STRBP: variants seen among roughly 807,000 people sequenced by gnomAD.
STRBP encodes spermatid perinuclear RNA-binding protein.
STRBP carries 13 observed loss-of-function variants against 80.1 expected under a neutral mutation model. That is an observed-to-expected ratio of 0.16 (90% CI 0.11 to 0.26). The LOEUF is 0.26. Among genes scored for constraint, STRBP ranks in the 10% least tolerant of loss-of-function variants. The pLI, the probability that STRBP is intolerant of heterozygous loss-of-function variation, is 1.00. For synonymous variants in STRBP, 284 were observed against 291.2 expected (o/e 0.98, Z 0.25); for missense variants, 485 against 815.2 (o/e 0.59, Z 4.93).
rs568065774 is a variant in STRBP at position 123,185,099 on chromosome 9, T to TAA, written c.-164-803_-164-802dup. The stretch of plus-strand genomic sequence containing the variant: ...AGCTACAAGAAAAGGAGAAAAAAAT[T>TAA]AAAAAAAAAAACCAGAACATCAAAA... On this transcript the variant is annotated intron_variant, in intron 2 of 18. Coordinates refer to ENST00000348403, the MANE Select transcript of STRBP (RefSeq NM_018387.5). Among the ~76,000 whole-genome samples the TAA allele has an allele frequency of 9.6e-5, 14 of 145,860 alleles. No individual in the cohort carries two copies. In the East Asian group the frequency reaches 1.6e-3, roughly 16 times the overall value.
Position 123,124,709 on chromosome 9 carries a change from GTGAT to G in STRBP, c.*884_*887del, listed in dbSNP as rs1007259976. The G allele has an allele frequency of 5.7e-4, 560 of 985,366 alleles. 1 individual carries two copies. Among genetic ancestry groups the G allele is most frequent in the Non-Finnish European group, 6.2e-4 (517 of 829,908 alleles). 61.0% of individuals were successfully genotyped at this position (985,366 alleles called of 1,614,324 possible). A position where few individuals can be genotyped will look rare whatever the true frequency, so the allele number is the denominator to read the frequency against. ...AAGAAGGCCACAAGAACAAGAGAGG[GTGAT>G]TGATTGATTAATTTATTATTTTTAA... On this transcript the variant is annotated 3_prime_UTR_variant, in exon 19 of 19. Transcript: ENST00000348403.
chr9:123,178,181 T>C lies in STRBP; in HGVS notation c.224+826A>G, dbSNP rs149166651. 8.3e-3 allele frequency among the ~76,000 whole-genome samples: 1,257 copies of C among 152,340 alleles called. 16 individuals are homozygous for C. Among genetic ancestry groups the C allele is most frequent in the African/African-American group, 0.029 (1,203 of 41,564 alleles). On this transcript the variant is annotated intron_variant, in intron 4 of 18. Coordinates refer to ENST00000348403, the MANE Select transcript of STRBP (RefSeq NM_018387.5). ...TCCATTTATCAATACTTTCCTATTATTATTTACTTATCACACTGATTTAAA... is the reference window on the plus strand; with the variant it reads ...TCCATTTATCAATACTTTCCTATTACTATTTACTTATCACACTGATTTAAA...
rs2035817001 is a variant in STRBP, at chr9:123,124,253, T to A, written c.*1344A>T. 1 of 985,338 alleles carries A rather than the reference T, an allele frequency of 1.0e-6. No homozygotes were observed. Among genetic ancestry groups the A allele is most frequent in the African/African-American group, 1.7e-5 (1 of 57,248 alleles). 61.0% of individuals were successfully genotyped at this position (985,338 alleles called of 1,614,324 possible). A position where few individuals can be genotyped will look rare whatever the true frequency, so the allele number is the denominator to read the frequency against. ...AATTCATACTAAAAACAGACATTTTTAAGACATGGTGCCTTATAAATATTG... is the reference window on the plus strand; with the variant it reads ...AATTCATACTAAAAACAGACATTTTAAAGACATGGTGCCTTATAAATATTG... On this transcript the variant is annotated 3_prime_UTR_variant, in exon 19 of 19. Transcript: ENST00000348403.
At chr9:123,199,520 T>C (rs2039231918) in intron 2 of STRBP, among the ~76,000 whole-genome samples, 2 of 152,222 alleles carry the variant, frequency 1.3e-5, no homozygotes, top group Non-Finnish European at 2.9e-5. Flanking sequence ...GGGCATAGGA[T>C]GTGTTTCCAT....
intron 18 of STRBP, 59 bp downstream of exon 18, chr9:123,128,155 G>C (rs760322289): frequency 4.7e-5 from 75 of 1,589,622 alleles, no homozygotes; most frequent in Non-Finnish European, 6.3e-5. Flanking sequence ...GATAGAAACT[G>C]TGCTTTGGAT....
chr9:123,166,168 A>C (rs2037749359), intron 6 of STRBP, among the ~76,000 whole-genome samples: 1 of 152,202 alleles, frequency 6.6e-6, no homozygotes, highest in Admixed American at 6.5e-5. Flanking sequence ...GCACTGCATA[A>C]ATCAGTATAC....
chr9:123,199,754 T>C (rs971353117), intron 2 of STRBP, among the ~76,000 whole-genome samples: 12 of 152,200 alleles, frequency 7.9e-5, no homozygotes, highest in African/African-American at 2.9e-4. Context: ...TTACTGAATT[T>C]GTTTATCAAA....
At chr9:123,238,010 T>C (rs2040606845) in intron 1 of STRBP, among the ~76,000 whole-genome samples, 1 of 152,246 alleles carries the variant, frequency 6.6e-6, no homozygotes, top group South Asian at 2.1e-4. Context: ...GAACTTAACC[T>C]TTCTGTCTCT....
intron 2 of STRBP, among the ~76,000 whole-genome samples, chr9:123,188,058 T>C (rs537270384): frequency 2.1e-4 from 32 of 152,170 alleles, no homozygotes; most frequent in African/African-American, 7.2e-4. Context: ...TAGTAACCAC[T>C]AAGTTTTTTC....
intron 6 of STRBP, among the ~76,000 whole-genome samples, chr9:123,162,963 T>G (rs1348661324): frequency 6.6e-6 from 1 of 152,226 alleles, no homozygotes; most frequent in African/African-American, 2.4e-5. Flanking sequence ...TAAAACAAAC[T>G]ACTGTAAATG....
intron 6 of STRBP, among the ~76,000 whole-genome samples, chr9:123,168,858 T>G (rs1172729150): frequency 1.3e-5 from 2 of 152,158 alleles, no homozygotes; most frequent in Non-Finnish European, 2.9e-5. Flanking sequence ...CACAATTCCA[T>G]CATGAACTTC....
chr9:123,258,929 G>A (rs766648842), intron 1 of STRBP, among the ~76,000 whole-genome samples: 53 of 152,110 alleles, frequency 3.5e-4, no homozygotes, highest in Non-Finnish European at 5.9e-4. Context: ...GACTTGATAG[G>A]ACTTTGTGTT....
chr9:123,251,188 T>G (rs1393056180), intron 1 of STRBP, among the ~76,000 whole-genome samples: 1 of 146,348 alleles, frequency 6.8e-6, no homozygotes, highest in East Asian at 2.2e-4. Context: ...TTTCTTTCCT[T>G]CTTTTCTTTT....
chr9:123,217,499 G>A (rs1970560), intron 2 of STRBP, among the ~76,000 whole-genome samples: 1,939 of 152,270 alleles, frequency 0.013, 41 homozygotes, highest in African/African-American at 0.044. Flanking sequence ...AAAAATCATT[G>A]CCAATTAGAC....
chr9:123,195,874 A>G (rs2132495671), intron 2 of STRBP, among the ~76,000 whole-genome samples: 1 of 152,354 alleles, frequency 6.6e-6, no homozygotes, highest in Non-Finnish European at 1.5e-5. Flanking sequence ...CAGTACCACC[A>G]AAGACCCAGA....
At chr9:123,148,468 C>T (rs532043624) in intron 11 of STRBP, among the ~76,000 whole-genome samples, 2 of 152,184 alleles carry the variant, frequency 1.3e-5, no homozygotes, top group African/African-American at 4.8e-5. Context: ...CATATATTCA[C>T]GTTATATGCA....
chr9:123,165,384 G>A (rs1437792515), intron 6 of STRBP, among the ~76,000 whole-genome samples: 1 of 151,848 alleles, frequency 6.6e-6, no homozygotes, highest in African/African-American at 2.4e-5. Flanking sequence ...TGGCTGTACT[G>A]TAAAACCTAC....
At chr9:123,155,295 A>G (rs1009750337) in intron 11 of STRBP, among the ~76,000 whole-genome samples, 2 of 152,238 alleles carry the variant, frequency 1.3e-5, no homozygotes, top group African/African-American at 4.8e-5. Flanking sequence ...AGGAAACTGG[A>G]GAAGTCTCAA....
At chr9:123,172,135 T>C (rs803739) in intron 5 of STRBP, among the ~76,000 whole-genome samples, 147,622 of 152,256 alleles carry the variant, frequency 0.97, 71,718 homozygotes, top group East Asian at 1. Context: ...TTCTCAACCC[T>C]TTTTCAATGC....
Sources: allele counts gnomAD v4.1 joint callset (sites outside exome capture counted in the v4.1 genomes callset), GRCh38; gene constraint gnomAD v4.1.1; transcripts MANE v1.5; gene names NCBI Gene and HGNC (gene_info 2026-07-23, HGNC 2026-07-21).